PDE1A: variants seen among roughly 807,000 people sequenced by gnomAD.
PDE1A encodes dual specificity calcium/calmodulin-dependent 3',5'-cyclic nucleotide phosphodiesterase 1A.
Under a neutral mutation model 61.7 loss-of-function variants are expected in PDE1A, and 35 were observed. That is an observed-to-expected ratio of 0.57 (90% CI 0.43 to 0.75). The LOEUF (loss-of-function observed/expected upper bound fraction) is 0.75, where lower values mean the gene tolerates loss of function less well. Among genes scored for constraint, PDE1A ranks in the 30% least tolerant of loss-of-function variants. PDE1A has a pLI of 0.00. For synonymous variants in PDE1A, 232 were observed against 213.2 expected (o/e 1.09, Z -0.77); for missense variants, 597 against 630.6 (o/e 0.95, Z 0.57).
At chr2:182,144,436 A>C (rs1282044217), downstream of PDE1A, among the ~76,000 whole-genome samples, 1 of 152,248 alleles carries the variant, frequency 6.6e-6, no homozygotes, top group Non-Finnish European at 1.5e-5. Flanking sequence ...TCGTGGTCTA[A>C]AATCTCCTAG....
At chr2:182,221,834 A>C (rs1021863005) in intron 7 of PDE1A, among the ~76,000 whole-genome samples, 1 of 151,972 alleles carries the variant, frequency 6.6e-6, no homozygotes, top group Non-Finnish European at 1.5e-5. Context: ...CCATCACCTG[A>C]CCAAGTGCAT....
At chr2:182,474,856 G>GA (rs1473936360) in intron 2 of PDE1A, among the ~76,000 whole-genome samples, 1 of 151,750 alleles carries the variant, frequency 6.6e-6, no homozygotes, top group Non-Finnish European at 1.5e-5. Context: ...AATTCCAACA[G>GA]AAAAATAGAA....
intron 1 of PDE1A, among the ~76,000 whole-genome samples, chr2:182,366,945 A>G (rs1699868347): frequency 6.6e-6 from 1 of 152,070 alleles, no homozygotes; most frequent in Non-Finnish European, 1.5e-5. Context: ...GGGCTTTATT[A>G]CTATGACAAG....
chr2:182,326,697 T>C (rs1235003619), intron 1 of PDE1A, among the ~76,000 whole-genome samples: 1 of 152,200 alleles, frequency 6.6e-6, no homozygotes, highest in Non-Finnish European at 1.5e-5. Flanking sequence ...TACAAATGTT[T>C]AAGCTGGTAA....
chr2:182,534,179 CCTTAA>C, the PDE1A span, among the ~76,000 whole-genome samples: 1 of 151,930 alleles, frequency 6.6e-6, no homozygotes, highest in Non-Finnish European at 1.5e-5. Context: ...TTTCCCATTC[CCTTAA>C]CTTCTCTTCA....
intron 2 of PDE1A, among the ~76,000 whole-genome samples, chr2:182,468,403 A>G (rs1289824987): frequency 6.6e-6 from 1 of 151,984 alleles, no homozygotes; most frequent in Non-Finnish European, 1.5e-5. Flanking sequence ...TTGCTCATCC[A>G]TAAAAAGCAA....
chr2:182,698,753 T>A, the PDE1A span, among the ~76,000 whole-genome samples: 3 of 152,214 alleles, frequency 2.0e-5, no homozygotes, highest in Non-Finnish European at 4.4e-5. Flanking sequence ...ATATTTCTTT[T>A]TAAAGCCCAG....
chr2:182,446,403 G>A (rs1685136688), intron 2 of PDE1A, among the ~76,000 whole-genome samples: 1 of 152,004 alleles, frequency 6.6e-6, no homozygotes, highest in Non-Finnish European at 1.5e-5. Flanking sequence ...AATAAAATCA[G>A]GTCAGAGGAT....
At chr2:182,168,735 A>G (rs1398822573) in intron 13 of PDE1A, among the ~76,000 whole-genome samples, 1 of 152,154 alleles carries the variant, frequency 6.6e-6, no homozygotes, top group Admixed American at 6.6e-5. Flanking sequence ...ATGATATTCT[A>G]TCTGTGATTT....
intron 13 of PDE1A, among the ~76,000 whole-genome samples, chr2:182,155,927 G>A (rs947221125): frequency 6.6e-6 from 1 of 152,120 alleles, no homozygotes; most frequent in African/African-American, 2.4e-5. Flanking sequence ...CAAGGGCGGG[G>A]CCAGGTGAAG....
intron 1 of PDE1A, among the ~76,000 whole-genome samples, chr2:182,345,595 ATCACACTT>A (rs1437919718): frequency 6.6e-6 from 1 of 151,994 alleles, no homozygotes; most frequent in East Asian, 1.9e-4. Context: ...CCTCCTCTTA[ATCACACTT>A]TCTGCAGCTA....
the PDE1A span, among the ~76,000 whole-genome samples, chr2:182,709,549 C>T: frequency 6.6e-6 from 1 of 152,022 alleles, no homozygotes; most frequent in East Asian, 1.9e-4. Context: ...GTGATAAATG[C>T]AATAGTAAAG....
the PDE1A span, among the ~76,000 whole-genome samples, chr2:182,572,266 A>C: frequency 6.6e-6 from 1 of 152,314 alleles, no homozygotes; most frequent in East Asian, 1.9e-4. Flanking sequence ...AGCTTTCACT[A>C]AAGAAGAATG....
the PDE1A span, among the ~76,000 whole-genome samples, chr2:182,541,360 A>ATTGGCTTTTT: frequency 6.6e-6 from 1 of 152,202 alleles, no homozygotes; most frequent in Non-Finnish European, 1.5e-5. Context: ...ATAAATAAAA[A>ATTGGCTTTTT]GCCAACAGAG....
intron 2 of PDE1A, among the ~76,000 whole-genome samples, chr2:182,511,642 A>C (rs7595111): frequency 2.0e-5 from 3 of 152,046 alleles, no homozygotes; most frequent in Admixed American, 2.0e-4. Context: ...TGCTATGCTA[A>C]CAGGCTTTGG....
intron 10 of PDE1A, among the ~76,000 whole-genome samples, chr2:182,199,351 T>C: frequency 6.6e-6 from 1 of 152,046 alleles, no homozygotes; most frequent in Non-Finnish European, 1.5e-5. Flanking sequence ...TCCATCAACT[T>C]ATTTTGATTC....
At chr2:182,626,011 CT>C in the PDE1A span, among the ~76,000 whole-genome samples, 1 of 152,108 alleles carries the variant, frequency 6.6e-6, no homozygotes, top group African/African-American at 2.4e-5. Flanking sequence ...AAAAAAACAC[CT>C]CAGAATGGTA....
At chr2:182,445,340 A>G (rs983052341) in intron 2 of PDE1A, among the ~76,000 whole-genome samples, 3 of 152,124 alleles carry the variant, frequency 2.0e-5, no homozygotes, top group Non-Finnish European at 4.4e-5. Flanking sequence ...AAAACAAATC[A>G]TTTAGAGTAA....
chr2:182,656,798 A>G, the PDE1A span, among the ~76,000 whole-genome samples: 4 of 152,238 alleles, frequency 2.6e-5, no homozygotes, highest in Non-Finnish European at 5.9e-5. Context: ...TTAAGTATTC[A>G]TACAATAGAT....
Sources: gnomAD v4.1 joint callset for allele counts (sites outside exome capture counted in the v4.1 genomes callset) on GRCh38, gnomAD v4.1.1 for gene constraint, MANE v1.5 for transcripts, NCBI Gene and HGNC (gene_info 2026-07-23, HGNC 2026-07-21) for gene names.